The following GALNT17 variants were observed in gnomAD, a reference collection of about 807,000 sequenced individuals.
GALNT17 encodes the protein polypeptide N-acetylgalactosaminyltransferase 17.
Under a neutral mutation model 63.7 loss-of-function variants are expected in GALNT17, and 29 were observed. The ratio of observed to expected loss-of-function variants is 0.46; its 90% CI spans 0.34 to 0.62. The LOEUF (loss-of-function observed/expected upper bound fraction) is 0.62, where lower values mean the gene tolerates loss of function less well. Among genes scored for constraint, GALNT17 ranks in the 20% least tolerant of loss-of-function variants. The pLI is 0.01. For synonymous variants in GALNT17, 305 were observed against 318.3 expected (o/e 0.96, Z 0.45); for missense variants, 603 against 799.6 (o/e 0.75, Z 2.97).
chr7:71,677,669 T>G (rs930085366), intron 9 of GALNT17, among the ~76,000 whole-genome samples: 1 of 151,854 alleles, frequency 6.6e-6, no homozygotes, highest in African/African-American at 2.4e-5. Flanking sequence ...CGCCCGCCAC[T>G]GCGCCCAGCT....
intron 3 of GALNT17, among the ~76,000 whole-genome samples, chr7:71,407,212 C>G (rs1204558405): frequency 6.6e-6 from 1 of 152,140 alleles, no homozygotes; most frequent in Non-Finnish European, 1.5e-5. Flanking sequence ...GGAGTCTTAT[C>G]TAAGTGTCTC....
chr7:71,414,246 C>T lies in GALNT17; in HGVS notation c.590-1643C>T, dbSNP rs545200450. Among the ~76,000 whole-genome samples, 96 of 151,666 alleles carry T rather than the reference C, an allele frequency of 6.3e-4. No homozygotes were observed. The South Asian group carries it at 9.6e-3, about 15-fold the overall frequency. On this transcript the variant is annotated intron_variant, in intron 3 of 10. Transcript: ENST00000333538. The stretch of plus-strand genomic sequence containing the variant: ...ACGAAAGAGAAACTCCGTCTCAAAA[C>T]GTAAAAATAAATAAAAATAAAAATG...
chr7:71,573,086 G>A (rs1024076057), intron 6 of GALNT17, among the ~76,000 whole-genome samples: 2 of 151,048 alleles, frequency 1.3e-5, no homozygotes, highest in Admixed American at 6.6e-5. Context: ...TTGGCTCACC[G>A]CAACCTCCAT....
At chr7:71,222,770 T>C (rs1432238671) in intron 1 of GALNT17, among the ~76,000 whole-genome samples, 1 of 152,156 alleles carries the variant, frequency 6.6e-6, no homozygotes, top group Non-Finnish European at 1.5e-5. Flanking sequence ...TTACTGATTC[T>C]TAGCTTAAGA....
intron 1 of GALNT17, among the ~76,000 whole-genome samples, chr7:71,184,771 G>C (rs1278284936): frequency 6.6e-6 from 1 of 152,176 alleles, no homozygotes; most frequent in Admixed American, 6.5e-5. Context: ...TGTGTCAGTT[G>C]CATTAGCTGG....
chr7:71,626,240 C>CAAAA (rs35227157), intron 6 of GALNT17, among the ~76,000 whole-genome samples: 4 of 136,660 alleles, frequency 2.9e-5, no homozygotes, highest in Admixed American at 7.3e-5. Context: ...AAGATTCTGT[C>CAAAA]AAAAAAAAAA....
chr7:71,444,348 A>T (rs556327412), intron 5 of GALNT17, among the ~76,000 whole-genome samples: 51 of 152,050 alleles, frequency 3.4e-4, no homozygotes, highest in African/African-American at 1.2e-3. Context: ...TTTCCTTCCT[A>T]TGAGAACCAA....
intron 1 of GALNT17, among the ~76,000 whole-genome samples, chr7:71,289,676 T>A (rs1350556212): frequency 5.3e-5 from 8 of 151,946 alleles, no homozygotes; most frequent in African/African-American, 1.9e-4. Context: ...GGTTGGGAGT[T>A]CGAGACCAGC....
At chr7:71,210,826 A>T (rs6960647) in intron 1 of GALNT17, among the ~76,000 whole-genome samples, 71,925 of 151,958 alleles carry the variant, frequency 0.47, 17,404 homozygotes, top group South Asian at 0.67. Flanking sequence ...TTATATGAGA[A>T]GGGAGACTGC....
chr7:71,520,116 T>C (rs1788506347), intron 5 of GALNT17, among the ~76,000 whole-genome samples: 1 of 152,144 alleles, frequency 6.6e-6, no homozygotes, highest in East Asian at 1.9e-4. Context: ...GATATGTAAT[T>C]GTAACACAGT....
chr7:71,704,320 G>T (rs1791693414), intron 9 of GALNT17, among the ~76,000 whole-genome samples: 1 of 152,142 alleles, frequency 6.6e-6, no homozygotes, highest in Non-Finnish European at 1.5e-5. Context: ...CCAAAAAAAT[G>T]CAAGACATGT....
intron 6 of GALNT17, among the ~76,000 whole-genome samples, chr7:71,589,986 T>C (rs2116914541): frequency 6.6e-6 from 1 of 152,348 alleles, no homozygotes; most frequent in East Asian, 1.9e-4. Context: ...CCATCTGCAA[T>C]AGATTATGTT....
chr7:71,170,849 GA>G (rs956422462), intron 1 of GALNT17, among the ~76,000 whole-genome samples: 4 of 152,146 alleles, frequency 2.6e-5, no homozygotes, highest in African/African-American at 4.8e-5. Flanking sequence ...GCTTTTTAAT[GA>G]AAGTTGATTA....
intron 9 of GALNT17, among the ~76,000 whole-genome samples, chr7:71,693,340 A>C (rs1055528217): frequency 1.4e-5 from 2 of 147,170 alleles, no homozygotes; most frequent in South Asian, 2.3e-4. Flanking sequence ...GACCAAAACA[A>C]TGCAATGTGA....
intron 1 of GALNT17, among the ~76,000 whole-genome samples, chr7:71,198,937 G>A (rs1028024654): frequency 8.5e-5 from 13 of 152,126 alleles, no homozygotes; most frequent in Admixed American, 5.9e-4. Context: ...ATGCTGGCAC[G>A]ATCCTCAGAA....
intron 8 of GALNT17, 77 bp from the exon 9 acceptor site, chr7:71,677,134 C>A: frequency 6.8e-7 from 1 of 1,478,852 alleles, no homozygotes; most frequent in Non-Finnish European, 9.4e-7. Flanking sequence ...GGAACCAAGC[C>A]ATGGTAGAAC....
At chr7:71,234,847 G>C (rs957400953) in intron 1 of GALNT17, among the ~76,000 whole-genome samples, 5 of 152,184 alleles carry the variant, frequency 3.3e-5, no homozygotes, top group African/African-American at 1.2e-4. Flanking sequence ...CAGGTGGCCT[G>C]GGTGTCTAAG....
intron 5 of GALNT17, among the ~76,000 whole-genome samples, chr7:71,501,564 T>C (rs1164947510): frequency 2.0e-5 from 3 of 152,094 alleles, no homozygotes; most frequent in African/African-American, 7.2e-5. Flanking sequence ...CATCATGGCT[T>C]CCCTCCTCTG....
chr7:71,529,876 C>A (rs1225993137), intron 5 of GALNT17, among the ~76,000 whole-genome samples: 1 of 152,246 alleles, frequency 6.6e-6, no homozygotes, highest in East Asian at 1.9e-4. Context: ...TTCATTGTTA[C>A]AAAAGAGTTG....
Sources: allele counts gnomAD v4.1 joint callset (sites outside exome capture counted in the v4.1 genomes callset), GRCh38; gene constraint gnomAD v4.1.1; transcripts MANE v1.5; gene names NCBI Gene and HGNC (gene_info 2026-07-23, HGNC 2026-07-21).